CDH11: variants seen among roughly 807,000 people sequenced by gnomAD.
The protein encoded by CDH11 is cadherin 11.
A neutral mutation model predicts 67.8 loss-of-function variants in CDH11; 11 were observed. That is an observed-to-expected ratio of 0.16 (90% CI 0.10 to 0.27). The LOEUF (loss-of-function observed/expected upper bound fraction) is 0.27. Ranked by LOEUF, CDH11 falls within the 10% of genes least tolerant of loss-of-function variation. CDH11 has a pLI of 1.00. For synonymous variants in CDH11, 419 were observed against 400.0 expected, an observed-to-expected ratio of 1.05 and a Z score of -0.57; for missense variants, 847 against 1,031.2, an observed-to-expected ratio of 0.82 and a Z score of 2.45.
intron 2 of CDH11, among the ~76,000 whole-genome samples, chr16:65,035,261 A>G (rs1439104958): frequency 6.6e-6 from 1 of 152,196 alleles, no homozygotes; most frequent in Non-Finnish European, 1.5e-5. Flanking sequence ...TCATTATCTT[A>G]TCTACTCTTC....
intron 11 of CDH11, 142 bp downstream of exon 11, chr16:64,971,437 C>T (rs1231370301): frequency 5.1e-6 from 3 of 591,022 alleles, no homozygotes; most frequent in East Asian, 2.9e-5. Flanking sequence ...TGTTTCAGAA[C>T]AGAGGTGGCA....
intron 1 of CDH11, among the ~76,000 whole-genome samples, chr16:65,056,906 GCAGT>G (rs1304690063): frequency 6.6e-6 from 1 of 152,054 alleles, no homozygotes; most frequent in Non-Finnish European, 1.5e-5. Context: ...AAAAGCCTAG[GCAGT>G]CAATCAAAAA....
intron 1 of CDH11, among the ~76,000 whole-genome samples, chr16:65,079,869 A>T (rs1234305214): frequency 1.3e-5 from 2 of 152,224 alleles, no homozygotes; most frequent in African/African-American, 4.8e-5. Flanking sequence ...AAGTGAAATC[A>T]ACTGATCCAT....
At chr16:65,038,305 C>T (rs2073794344) in intron 2 of CDH11, among the ~76,000 whole-genome samples, 1 of 152,088 alleles carries the variant, frequency 6.6e-6, no homozygotes, top group South Asian at 2.1e-4. Flanking sequence ...ATCCCACTGT[C>T]TGCTAGGGAA....
chr16:65,112,141 GCT>G (rs1409192911), intron 1 of CDH11, among the ~76,000 whole-genome samples: 1 of 151,928 alleles, frequency 6.6e-6, no homozygotes, highest in Non-Finnish European at 1.5e-5. Flanking sequence ...AGCATCATAG[GCT>G]ATATCAAAGA....
At chr16:65,108,351 A>C (rs760561451) in intron 1 of CDH11, among the ~76,000 whole-genome samples, 1 of 152,222 alleles carries the variant, frequency 6.6e-6, no homozygotes, top group Non-Finnish European at 1.5e-5. Context: ...TCACCAATGC[A>C]TTAGTTGGAA....
At chr16:64,992,045 G>T in intron 5 of CDH11, 110 bp from the exon 6 acceptor site, 2 of 688,844 alleles carry the variant, frequency 2.9e-6, no homozygotes, top group East Asian at 2.6e-5. Flanking sequence ...CATGCCCTCA[G>T]CAAGAATCAT....
chr16:65,033,839 T>C (rs1360413370), intron 2 of CDH11, among the ~76,000 whole-genome samples: 2 of 152,140 alleles, frequency 1.3e-5, no homozygotes, highest in Admixed American at 6.5e-5. Context: ...TGCATGAAGA[T>C]GGGGATCATA....
intron 1 of CDH11, among the ~76,000 whole-genome samples, chr16:65,101,898 G>A (rs1173350368): frequency 1.3e-5 from 2 of 152,218 alleles, no homozygotes; most frequent in African/African-American, 4.8e-5. Flanking sequence ...TGAATGAATG[G>A]ATGGATATTC....
chr16:65,082,944 C>T lies in CDH11; in HGVS notation c.-297-29016G>A, dbSNP rs535207385. Among the ~76,000 whole-genome samples, 6 of 152,182 alleles carry T rather than the reference C, an allele frequency of 3.9e-5. No homozygotes were observed. In the East Asian group the frequency reaches 5.8e-4, roughly 15 times the overall value. On this transcript the variant is annotated intron_variant, in intron 1 of 12. Transcript: ENST00000268603. ...CTGTGGGCACTGCAGGGGGATCACA[C>T]GAGAAGGCACACAAGGGTTTTATGT...
chr16:65,041,215 C>T (rs536300076), intron 2 of CDH11, among the ~76,000 whole-genome samples: 10 of 152,232 alleles, frequency 6.6e-5, no homozygotes, highest in Middle Eastern at 3.4e-3. Context: ...CCATGTTTTC[C>T]GTATTTTCTT....
intron 2 of CDH11, among the ~76,000 whole-genome samples, chr16:65,017,170 C>T (rs2073327811): frequency 6.6e-6 from 1 of 152,148 alleles, no homozygotes; most frequent in African/African-American, 2.4e-5. Flanking sequence ...CTGCTAACCT[C>T]CTATCTCATC....
chr16:65,083,843 T>G (rs2074651418), intron 1 of CDH11, among the ~76,000 whole-genome samples: 1 of 152,104 alleles, frequency 6.6e-6, no homozygotes, highest in East Asian at 1.9e-4. Flanking sequence ...TGAATCTGAA[T>G]CAGACTAAGA....
chr16:65,000,500 A>C (rs1025905723), intron 3 of CDH11, among the ~76,000 whole-genome samples: 1 of 152,212 alleles, frequency 6.6e-6, no homozygotes, highest in African/African-American at 2.4e-5. Flanking sequence ...AATGACATTT[A>C]AAATAATAAA....
intron 1 of CDH11, among the ~76,000 whole-genome samples, chr16:65,120,153 T>C (rs747596766): frequency 7.9e-5 from 12 of 152,216 alleles, no homozygotes; most frequent in Non-Finnish European, 1.6e-4. Context: ...TGTCTGCACC[T>C]ACGTATTTGT....
intron 1 of CDH11, among the ~76,000 whole-genome samples, chr16:65,057,599 G>A (rs2074166681): frequency 6.6e-6 from 1 of 152,174 alleles, no homozygotes; most frequent in Admixed American, 6.5e-5. Flanking sequence ...GCTCCCTTTT[G>A]CTAAGCTCTG....
At chr16:65,103,448 C>T (rs1167847875) in intron 1 of CDH11, among the ~76,000 whole-genome samples, 1 of 152,092 alleles carries the variant, frequency 6.6e-6, no homozygotes, top group African/African-American at 2.4e-5. Context: ...AAGATGCCTA[C>T]ATGAGGAAAT....
chr16:65,062,577 C>A (rs1335089961), intron 1 of CDH11, among the ~76,000 whole-genome samples: 7 of 152,104 alleles, frequency 4.6e-5, no homozygotes, highest in Admixed American at 3.9e-4. Context: ...TGGGACTATC[C>A]TTTTGCAATA....
chr16:64,977,919 T>A (rs2072221303), intron 8 of CDH11, among the ~76,000 whole-genome samples: 1 of 152,220 alleles, frequency 6.6e-6, no homozygotes, highest in Non-Finnish European at 1.5e-5. Flanking sequence ...AGAATCAGTG[T>A]TCAAAGATCC....
Sources: gnomAD v4.1 joint callset for allele counts (sites outside exome capture counted in the v4.1 genomes callset) on GRCh38, gnomAD v4.1.1 for gene constraint, MANE v1.5 for transcripts, NCBI Gene and HGNC (gene_info 2026-07-23, HGNC 2026-07-21) for gene names.